The following ABLIM1 variants were observed in gnomAD, a reference collection of about 807,000 sequenced individuals.
ABLIM1 encodes actin binding LIM protein 1.
Under a neutral mutation model 107.0 loss-of-function variants are expected in ABLIM1, and 40 were observed. The observed-to-expected ratio is 0.37, with a 90% CI of 0.29 to 0.49. ABLIM1 has a LOEUF of 0.49. Ranked by LOEUF, ABLIM1 falls within the 20% of genes least tolerant of loss-of-function variation. The pLI is 0.97. For missense variants in ABLIM1, 857 were observed against 1,008.5 expected, an observed-to-expected ratio of 0.85 and a Z score of 2.04; for synonymous variants, 357 against 357.3, an observed-to-expected ratio of 1.00 and a Z score of 0.01.
intron 12 of ABLIM1, among the ~76,000 whole-genome samples, chr10:114,461,936 A>T (rs1454222499): frequency 1.3e-5 from 2 of 152,240 alleles, no homozygotes; most frequent in African/African-American, 4.8e-5. Context: ...CCTTAACTCC[A>T]GGTATGTGTG....
At chr10:114,561,716 C>G (rs2069729479) in intron 4 of ABLIM1, among the ~76,000 whole-genome samples, 1 of 152,158 alleles carries the variant, frequency 6.6e-6, no homozygotes, top group South Asian at 2.1e-4. Context: ...TACTGAAATT[C>G]CAGTTCTACT....
In ABLIM1 at chr10:114,441,275, G is replaced by A. The variant is rs570213327; in HGVS notation, c.1999-198C>T. ...TTTAGTGTACTAATGCCACCACTCAGCAGGCTCTTGGTAAGCAGGGATCTC... is the reference window on the plus strand; with the variant it reads ...TTTAGTGTACTAATGCCACCACTCAACAGGCTCTTGGTAAGCAGGGATCTC... On this transcript the variant is annotated intron_variant, in intron 18 of 22. Transcript: ENST00000533213. Among the ~76,000 whole-genome samples, 4 of 152,050 alleles carry A rather than the reference G, an allele frequency of 2.6e-5. No individual in the cohort carries two copies. In the East Asian group the frequency reaches 7.7e-4, roughly 29 times the overall value.
intron 1 of ABLIM1, among the ~76,000 whole-genome samples, chr10:114,682,113 A>T (rs2080774967): frequency 6.6e-6 from 1 of 152,236 alleles, no homozygotes; most frequent in African/African-American, 2.4e-5. Flanking sequence ...CAATATTTAA[A>T]CTATGTTAAC....
At chr10:114,539,770 A>G (rs938510118) in intron 6 of ABLIM1, among the ~76,000 whole-genome samples, 1 of 152,122 alleles carries the variant, frequency 6.6e-6, no homozygotes, top group Non-Finnish European at 1.5e-5. Flanking sequence ...ATGGGAAGAA[A>G]TGCATTCCAA....
the ABLIM1 span, among the ~76,000 whole-genome samples, chr10:114,800,740 C>T: frequency 6.6e-6 from 1 of 151,950 alleles, no homozygotes; most frequent in East Asian, 1.9e-4. Context: ...GGTGAAGCCC[C>T]ATCTCTACTA....
At chr10:114,514,139 T>C (rs981724795) in intron 6 of ABLIM1, among the ~76,000 whole-genome samples, 2 of 152,046 alleles carry the variant, frequency 1.3e-5, no homozygotes, top group African/African-American at 4.8e-5. Context: ...TTAAGTGAAA[T>C]GAGGCCGGGT....
At chr10:114,780,715 T>C in the ABLIM1 span, among the ~76,000 whole-genome samples, 2 of 152,202 alleles carry the variant, frequency 1.3e-5, no homozygotes, top group Non-Finnish European at 2.9e-5. Flanking sequence ...CGGCCTCCTA[T>C]CAATTTTCCT....
In ABLIM1 at chr10:114,760,777, T is replaced by C. The variant is rs117773512; in HGVS notation, c.-213+7284A>G. ...TTCTGAAAATCTTTGCTGAAACATA[T>C]GACACTCCCACATGTGAGATATTGA... On this transcript the variant is annotated intron_variant, in intron 1 of 15. Coordinates refer to the ABLIM1 transcript ENST00000651092. Among the ~76,000 whole-genome samples, 1,290 of 152,306 alleles carry C rather than the reference T, an allele frequency of 8.5e-3. 8 individuals carry two copies. The highest frequency in any genetic ancestry group is 0.015 in the Non-Finnish European group (992 of 68,014).
rs1045818299 is a variant in ABLIM1 at position 114,435,095 on chromosome 10, C to T, written c.*1165G>A. 5 of 152,300 alleles carry T rather than the reference C, an allele frequency of 3.3e-5. No individual in the cohort carries two copies. 9.4% of individuals were successfully genotyped at this position (152,300 alleles called of 1,614,324 possible). A position where few individuals can be genotyped will look rare whatever the true frequency, so the allele number is the denominator to read the frequency against. ...TCTGGGTGAGTGAAACCAACATGTG[C>T]ACACACACCCATGAATTCGACAGAG... On this transcript the variant is annotated 3_prime_UTR_variant, in exon 23 of 23. Coordinates refer to ENST00000533213, the MANE Select transcript of ABLIM1 (RefSeq NM_002313.7).
intron 1 of ABLIM1, among the ~76,000 whole-genome samples, chr10:114,690,920 G>A (rs1306455577): frequency 3.3e-5 from 5 of 152,176 alleles, no homozygotes; most frequent in Admixed American, 3.3e-4. Context: ...GACCTCAACT[G>A]ATCCTCCTGC....
intron 2 of ABLIM1, among the ~76,000 whole-genome samples, chr10:114,598,269 C>A (rs2075636926): frequency 4.3e-5 from 3 of 69,392 alleles, no homozygotes; most frequent in African/African-American, 5.7e-5. Flanking sequence ...AGTGAAACTC[C>A]ATCTCAAAAA....
At chr10:114,557,472 T>C (rs1366006729) in intron 4 of ABLIM1, among the ~76,000 whole-genome samples, 1 of 152,168 alleles carries the variant, frequency 6.6e-6, no homozygotes, top group Non-Finnish European at 1.5e-5. Context: ...AACCTGGTAT[T>C]TGGCAATAAA....
At chr10:114,517,082 G>A (rs2062957898) in intron 6 of ABLIM1, among the ~76,000 whole-genome samples, 1 of 152,144 alleles carries the variant, frequency 6.6e-6, no homozygotes, top group Admixed American at 6.5e-5. Flanking sequence ...TCACCTCCAG[G>A]AGGAAAAACC....
upstream of ABLIM1, chr10:114,658,370 A>G: frequency 1.6e-6 from 2 of 1,290,100 alleles, no homozygotes; most frequent in Non-Finnish European, 2.0e-6. Context: ...AGCTTAGGGC[A>G]CCATATTCTC....
At chr10:114,506,807 T>C (rs1016515024) in intron 6 of ABLIM1, among the ~76,000 whole-genome samples, 10 of 152,234 alleles carry the variant, frequency 6.6e-5, no homozygotes, top group Non-Finnish European at 1.5e-4. Context: ...ACTCTGTCGA[T>C]AGTTTCTTTT....
At chr10:114,769,479 G>GAA (rs1355046223), upstream of ABLIM1, among the ~76,000 whole-genome samples, 13 of 123,930 alleles carry the variant, frequency 1.0e-4, no homozygotes, top group East Asian at 1.6e-3. Context: ...AAGAAAGAAA[G>GAA]AGAAAGAAAG....
the ABLIM1 span, among the ~76,000 whole-genome samples, chr10:114,789,826 A>G: frequency 2.0e-5 from 3 of 147,436 alleles, no homozygotes; most frequent in Admixed American, 2.0e-4. Context: ...GTCTCACTCT[A>G]TCCCCCAGGC....
intron 12 of ABLIM1, among the ~76,000 whole-genome samples, chr10:114,460,600 C>G (rs2063683654): frequency 6.6e-6 from 1 of 151,858 alleles, no homozygotes; most frequent in South Asian, 2.1e-4. Context: ...GACTCTGTCT[C>G]CAAAAAAACA....
chr10:114,704,345 T>G (rs2081377830), intron 1 of ABLIM1, among the ~76,000 whole-genome samples: 3 of 133,092 alleles, frequency 2.3e-5, no homozygotes, highest in African/African-American at 5.4e-5. Context: ...TTGCGCGCGT[T>G]ACATCTGTGA....
Sources: allele counts gnomAD v4.1 joint callset (sites outside exome capture counted in the v4.1 genomes callset), GRCh38; gene constraint gnomAD v4.1.1; transcripts MANE v1.5; gene names NCBI Gene and HGNC (gene_info 2026-07-23, HGNC 2026-07-21).